STAB2: variants seen among roughly 807,000 people sequenced by gnomAD.
The protein encoded by STAB2 is stabilin-2.
Under a neutral mutation model 338.1 loss-of-function variants are expected in STAB2, and 288 were observed. That is an observed-to-expected ratio of 0.85 (90% CI 0.77 to 0.94). The LOEUF (loss-of-function observed/expected upper bound fraction) is 0.94. Among genes scored for constraint, STAB2 ranks in the 40% least tolerant of loss-of-function variants. STAB2 has a pLI of 0.00. For synonymous variants in STAB2, 1,202 were observed against 1,193.3 expected (o/e 1.01, Z -0.15); for missense variants, 3,141 against 3,210.1 (o/e 0.98, Z 0.52).
intron 1 of STAB2, among the ~76,000 whole-genome samples, chr12:103,589,926 G>A (rs989878578): frequency 1.3e-5 from 2 of 152,218 alleles, no homozygotes; most frequent in East Asian, 1.9e-4. Context: ...CTTTATAGGT[G>A]ATGGCAAAGG....
chr12:103,738,954 G>A (rs1177053465), intron 53 of STAB2, among the ~76,000 whole-genome samples: 1 of 152,102 alleles, frequency 6.6e-6, no homozygotes, highest in African/African-American at 2.4e-5. Context: ...GTTAGTGTGT[G>A]TGTGTTGATA....
intron 1 of STAB2, 69 bp downstream of exon 1, chr12:103,587,626 C>A: frequency 7.4e-7 from 1 of 1,345,672 alleles, no homozygotes. Flanking sequence ...TTGTCGTTTT[C>A]CTCTGTTGTT....
rs1462480548 is a variant in STAB2, at chr12:103,640,169, T to C, written c.953T>C (p.Val318Ala). ...KEHYQNFVPG[V>A]GCSMTDICKS... Reference sequence around the variant, plus strand: ...CATTACCAGAATTTCGTACCTGGAGTGGGGTGCAGTATGACTGATATATGT... The same window carrying C: ...CATTACCAGAATTTCGTACCTGGAGCGGGGTGCAGTATGACTGATATATGT... The change falls in exon 9 of 69, where the codon GTG becomes GCG. Residue 318 changes from valine (V) to alanine (A), a missense_variant. Coordinates refer to ENST00000388887, the MANE Select transcript of STAB2 (RefSeq NM_017564.10). 1 of 1,613,372 alleles carries C rather than the reference T, an allele frequency of 6.2e-7. No homozygotes were observed. The highest frequency in any genetic ancestry group is 1.3e-5 in the African/African-American group (1 of 74,858).
At chr12:103,688,724 T>C (rs1472462736) in intron 28 of STAB2, among the ~76,000 whole-genome samples, 2 of 152,204 alleles carry the variant, frequency 1.3e-5, no homozygotes, top group African/African-American at 2.4e-5. Flanking sequence ...TGCTTCTGTA[T>C]GGGGCCTCTC....
intron 63 of STAB2, 159 bp from the exon 64 acceptor site, chr12:103,758,011 T>C (rs1884262445): frequency 9.4e-7 from 1 of 1,060,718 alleles, no homozygotes; most frequent in Non-Finnish European, 1.3e-6. Context: ...CCTCAAACTC[T>C]CCCACGGCGC....
At chr12:103,708,285 C>T (rs557864767) in intron 38 of STAB2, among the ~76,000 whole-genome samples, 156 bp from the exon 39 acceptor site, 124 of 152,172 alleles carry the variant, frequency 8.1e-4, no homozygotes, top group Non-Finnish European at 1.5e-3. Flanking sequence ...TCTCCTGCAC[C>T]CCTGCCCTTT....
At chr12:103,700,418 G>A (rs1200122370) in intron 34 of STAB2, among the ~76,000 whole-genome samples, 1 of 152,146 alleles carries the variant, frequency 6.6e-6, no homozygotes, top group Non-Finnish European at 1.5e-5. Flanking sequence ...TGTCACTACT[G>A]AATAACAAGT....
intron 37 of STAB2, among the ~76,000 whole-genome samples, chr12:103,706,297 G>A (rs1196529980): frequency 6.6e-6 from 1 of 152,124 alleles, no homozygotes; most frequent in Non-Finnish European, 1.5e-5. Context: ...ATAAAGGCAA[G>A]GCAAACCCAA....
At chr12:103,594,083 G>A (rs1256004746) in intron 2 of STAB2, among the ~76,000 whole-genome samples, 2 of 152,160 alleles carry the variant, frequency 1.3e-5, no homozygotes, top group Non-Finnish European at 2.9e-5. Context: ...GATACTCAGT[G>A]ATAAGTTTTA....
Position 103,715,857 on chromosome 12 carries a change from A to G in STAB2, c.4580A>G (p.Asn1527Ser). ...CLENHGGCDK[N>S]AECTQTGPNQ... ...GAGAACCATGGTGGCTGTGACAAGAATGCGGAGTGCACACAGACAGGACCC... is the reference window on the plus strand; with the variant it reads ...GAGAACCATGGTGGCTGTGACAAGAGTGCGGAGTGCACACAGACAGGACCC... The change falls in exon 43 of 69, where the codon AAT becomes AGT. Residue 1527 changes from asparagine to serine, a missense_variant. Physicochemically the swap from Asn to Ser is conservative, Grantham distance 46. Transcript: ENST00000388887. The G allele has an allele frequency of 6.2e-7, 1 of 1,614,136 alleles. No individual in the cohort carries two copies. Among genetic ancestry groups the G allele is most frequent in the Non-Finnish European group, 8.5e-7 (1 of 1,179,982 alleles).
chr12:103,685,044 A>G lies in STAB2; in HGVS notation c.2957A>G (p.Tyr986Cys), dbSNP rs761676502. 28 of 1,613,936 alleles carry G rather than the reference A, an allele frequency of 1.7e-5. No homozygotes were observed. The highest frequency in any genetic ancestry group is 2.0e-5 in the Non-Finnish European group (24 of 1,179,950). The change falls in exon 27 of 69, where the codon TAT becomes TGT. Residue 986 changes from tyrosine (Y) to cysteine (C), a missense_variant. Tyr to Cys is a radical substitution (Grantham distance 194). Transcript: ENST00000388887. ...GVWSCVCQEG[Y>C]EGDGFLCYGN... ...TGGAGCTGTGTTTGTCAAGAGGGCT[A>G]TGAAGGAGATGGCTTTCTGTGCTAT...
intron 47 of STAB2, among the ~76,000 whole-genome samples, chr12:103,727,940 G>A (rs1002522514): frequency 6.6e-6 from 1 of 152,068 alleles, no homozygotes; most frequent in Non-Finnish European, 1.5e-5. Flanking sequence ...ACTAGCAGGG[G>A]GTGGAGCAAA....
intron 23 of STAB2, among the ~76,000 whole-genome samples, chr12:103,674,664 G>T (rs757974530): frequency 2.8e-4 from 43 of 152,214 alleles, no homozygotes; most frequent in Middle Eastern, 3.2e-3. Context: ...CAGTGGGTTT[G>T]AGGGGGAAAA....
intron 3 of STAB2, among the ~76,000 whole-genome samples, chr12:103,601,627 C>G (rs7979345): frequency 0.32 from 48,900 of 152,052 alleles, 10,023 homozygotes; most frequent in African/African-American, 0.58. Flanking sequence ...AAAGACCAAG[C>G]TCTGGCTTCT....
intron 22 of STAB2, among the ~76,000 whole-genome samples, chr12:103,672,331 G>A (rs1285644864): frequency 2.6e-5 from 4 of 152,102 alleles, no homozygotes; most frequent in Non-Finnish European, 5.9e-5. Context: ...TTATCCCAAG[G>A]CCTGACAATG....
chr12:103,737,850 G>A, intron 53 of STAB2, 70 bp downstream of exon 53: 1 of 1,584,920 alleles, frequency 6.3e-7, no homozygotes, highest in South Asian at 1.2e-5. Flanking sequence ...ATCCAGTGTG[G>A]ACCCTGTTGT....
intron 5 of STAB2, among the ~76,000 whole-genome samples, chr12:103,624,452 T>A (rs1565968370): frequency 6.6e-6 from 1 of 152,190 alleles, no homozygotes. Flanking sequence ...CATAGGTAAG[T>A]TTATGAAGCA....
intron 2 of STAB2, among the ~76,000 whole-genome samples, chr12:103,591,627 G>A (rs1956799475): frequency 6.6e-6 from 1 of 152,100 alleles, no homozygotes; most frequent in Admixed American, 6.6e-5. Context: ...TTCTAGTCTT[G>A]AATGTGTTAA....
chr12:103,632,997 C>T (rs1588888), intron 6 of STAB2, among the ~76,000 whole-genome samples: 34,349 of 152,112 alleles, frequency 0.23, 4,207 homozygotes, highest in South Asian at 0.41. Flanking sequence ...GTTGAGATGC[C>T]GTGAGCGGTG....
Sources: gnomAD v4.1 joint callset for allele counts (sites outside exome capture counted in the v4.1 genomes callset) on GRCh38, gnomAD v4.1.1 for gene constraint, MANE v1.5 for transcripts, NCBI Gene and HGNC (gene_info 2026-07-23, HGNC 2026-07-21) for gene names.